Variants in HOOK3 observed in about 807,000 individuals in gnomAD.
HOOK3 encodes hook microtubule tethering protein 3, also known as protein Hook homolog 3.
A neutral mutation model predicts 116.3 loss-of-function variants in HOOK3; 24 were observed. The observed-to-expected ratio is 0.21, with a 90% CI of 0.15 to 0.29. The LOEUF is 0.29. Ranked by LOEUF, HOOK3 falls within the 10% of genes least tolerant of loss-of-function variation. The pLI, the probability that HOOK3 is intolerant of heterozygous loss-of-function variation, is 1.00. For synonymous variants in HOOK3, 275 were observed against 283.0 expected, an observed-to-expected ratio of 0.97 and a Z score of 0.28; for missense variants, 632 against 830.2, an observed-to-expected ratio of 0.76 and a Z score of 2.93.
Position 42,968,163 on chromosome 8 carries a change from G to A in HOOK3, c.1071G>A (p.Glu357=). The change falls in exon 11 of 22, where the codon GAG becomes GAA. Residue 357 remains glutamate, a synonymous_variant. Coordinates refer to ENST00000307602, the MANE Select transcript of HOOK3 (RefSeq NM_032410.4). The stretch of plus-strand genomic sequence containing the variant: ...AGAATACTGTCAGTCTAGAGGAAGA[G>A]TTAAGAAAGGCCAACGCAGCGCGAA... ...YMQNTVSLEE[E]LRKANAARSQ... 3.1e-6 allele frequency: 5 copies of A among 1,614,018 alleles called. No individual in the cohort carries two copies. Among genetic ancestry groups the A allele is most frequent in the Non-Finnish European group, 4.2e-6 (5 of 1,179,942 alleles).
chr8:42,910,957 G>A (rs1807415708), intron 2 of HOOK3, among the ~76,000 whole-genome samples: 1 of 152,204 alleles, frequency 6.6e-6, no homozygotes, highest in South Asian at 2.1e-4. Flanking sequence ...ACAAAGTAAA[G>A]GTAATTTAAA....
At chr8:42,986,606 CACCAAATG>C in intron 14 of HOOK3, 41 bp from the exon 15 acceptor site, 1 of 1,448,924 alleles carries the variant, frequency 6.9e-7, no homozygotes, top group Non-Finnish European at 9.5e-7. Context: ...TATATTAATG[CACCAAATG>C]ACTGTGTATA....
At chr8:42,955,365 A>G (rs1463605898) in intron 6 of HOOK3, among the ~76,000 whole-genome samples, 1 of 152,184 alleles carries the variant, frequency 6.6e-6, no homozygotes, top group Non-Finnish European at 1.5e-5. Flanking sequence ...TTCCCCATCT[A>G]TACCGTGGGA....
chr8:42,967,754 GTTAAAC>G (rs959094105), intron 10 of HOOK3, among the ~76,000 whole-genome samples: 2 of 151,742 alleles, frequency 1.3e-5, no homozygotes, highest in African/African-American at 4.8e-5. Context: ...TTCGGACACT[GTTAAAC>G]TTACTTTTCT....
chr8:42,993,226 G>A (rs1203694265), intron 15 of HOOK3, among the ~76,000 whole-genome samples: 2 of 152,036 alleles, frequency 1.3e-5, no homozygotes, highest in Admixed American at 1.3e-4. Flanking sequence ...TTTTATTGAG[G>A]ATTTTTGCAT....
In HOOK3 at chr8:43,027,381, TAG is replaced by T; in HGVS notation, c.*8889_*8890del. The T allele has an allele frequency of 2.3e-6, 1 of 427,086 alleles. No homozygotes were observed. Among genetic ancestry groups the T allele is most frequent in the Non-Finnish European group, 4.5e-6 (1 of 222,738 alleles). 26.5% of individuals were successfully genotyped at this position (427,086 alleles called of 1,614,324 possible). Reference sequence around the variant, plus strand: ...TATGGACACAATTACTGCCAAAGAATAGAGAGATTTGCTTATGAGAACATTCT... The same window carrying T: ...TATGGACACAATTACTGCCAAAGAATAGAGATTTGCTTATGAGAACATTCT... On this transcript the variant is annotated 3_prime_UTR_variant, in exon 22 of 22. Transcript: ENST00000307602.
At position 43,021,074 on chromosome 8, in the gene HOOK3, C is replaced by G. The variant is rs1448666107; in HGVS notation, c.*2576C>G. On this transcript the variant is annotated 3_prime_UTR_variant, in exon 22 of 22. Transcript: ENST00000307602. ...CCGAGATGGCGCCATTGCACCCCAGCCTGGCGACAAGAGCGAAACTCTGTC... is the reference window on the plus strand; with the variant it reads ...CCGAGATGGCGCCATTGCACCCCAGGCTGGCGACAAGAGCGAAACTCTGTC... 1.2e-5 allele frequency: 2 copies of G among 165,990 alleles called. No individual in the cohort carries two copies. The highest frequency in any genetic ancestry group is 2.5e-5 in the Non-Finnish European group (2 of 80,316). The allele number at this position is 165,990 out of a possible 1,614,324, so 10.3% of individuals were successfully genotyped here.
intron 8 of HOOK3, among the ~76,000 whole-genome samples, chr8:42,961,653 T>C (rs541792819): frequency 4.6e-5 from 7 of 152,336 alleles, no homozygotes; most frequent in African/African-American, 1.7e-4. Context: ...TATTTAGATA[T>C]GTAAAGTGAC....
In HOOK3 at chr8:42,919,150, G is replaced by C. The variant is rs868362655; in HGVS notation, c.144-6407G>C. Among the ~76,000 whole-genome samples, 24 of 152,112 alleles carry C rather than the reference G, an allele frequency of 1.6e-4. 1 individual carries two copies. The highest frequency in any genetic ancestry group is 5.3e-4 in the African/African-American group (22 of 41,508). On this transcript the variant is annotated intron_variant, in intron 2 of 21. Coordinates refer to ENST00000307602, the MANE Select transcript of HOOK3 (RefSeq NM_032410.4). ...GAGACGCTCCTCACTTCCCAGACGG[G>C]GCGGCTGCCGGGCAGAGGGGCTCCT...
intron 16 of HOOK3, among the ~76,000 whole-genome samples, chr8:43,001,770 T>C (rs928498285): frequency 1.3e-5 from 2 of 152,202 alleles, no homozygotes; most frequent in Non-Finnish European, 2.9e-5. Context: ...AAGTCTATTA[T>C]TACTAGGGTC....
chr8:43,010,400 A>G lies in HOOK3; in HGVS notation c.1834A>G (p.Lys612Glu). Residue 612 changes from lysine to glutamate, a missense_variant, in exon 19 of 22, where the codon AAA (lysine) becomes GAA (glutamate). Around this residue, in one of 3 missense-constraint regions of HOOK3, gnomAD observed 483 missense variants for 648.1 expected, o/e 0.75. Transcript: ENST00000307602. ...ATACAAAAAATACTTAGAGAAAGCCAAAAGTGTAAGTATGAATTTTGTAGG... is the reference window on the plus strand; with the variant it reads ...ATACAAAAAATACTTAGAGAAAGCCGAAAGTGTAAGTATGAATTTTGTAGG... ...ERYKKYLEKA[K>E]SVIRTLDPKQ... 7.3e-7 allele frequency: 1 copy of G among 1,369,880 alleles called. No individual in the cohort carries two copies. The highest frequency in any genetic ancestry group is 1.5e-5 in the South Asian group (1 of 68,626). 84.9% of individuals were successfully genotyped at this position (1,369,880 alleles called of 1,614,324 possible).
At chr8:42,912,041 T>C (rs1018127096) in intron 2 of HOOK3, among the ~76,000 whole-genome samples, 1 of 152,004 alleles carries the variant, frequency 6.6e-6, no homozygotes, top group East Asian at 1.9e-4. Flanking sequence ...AAGGAAAAAA[T>C]GTGTACCCTG....
In HOOK3 at chr8:42,974,851, G is replaced by A. The variant is rs142633291; in HGVS notation, c.1321+657G>A. ...GGCTCCCTTCCATTCTGAGAGGACC[G>A]TGCCCCCTTATTTTTGACCTCTAAG... On this transcript the variant is annotated intron_variant, in intron 13 of 21. Transcript: ENST00000307602. Among the ~76,000 whole-genome samples, 139 of 152,284 alleles carry A rather than the reference G, an allele frequency of 9.1e-4. 2 individuals carry two copies. The South Asian group carries it at 0.011, about 12-fold the overall frequency.
At chr8:42,994,754 T>C (rs1809232445) in intron 15 of HOOK3, among the ~76,000 whole-genome samples, 1 of 152,256 alleles carries the variant, frequency 6.6e-6, no homozygotes, top group South Asian at 2.1e-4. Context: ...ACATACTGCA[T>C]ACTTTAACAG....
In HOOK3 at chr8:42,925,557, A is replaced by G; in HGVS notation, c.144A>G (p.Ile48Met). 1.3e-6 allele frequency: 2 copies of G among 1,587,928 alleles called. No homozygotes were observed. Among genetic ancestry groups the G allele is most frequent in the Non-Finnish European group, 1.7e-6 (2 of 1,165,060 alleles). Residue 48 changes from isoleucine to methionine, a missense_variant and splice_region_variant, in exon 3 of 22, where the codon ATA becomes ATG. Coordinates refer to ENST00000307602, the MANE Select transcript of HOOK3 (RefSeq NM_032410.4). ...GVVMAQVLQK[I>M]DPAYFDENWL... The stretch of plus-strand genomic sequence containing the variant: ...ATGTAAGCTTTTTCTTATTTTGCAG[A>G]GATCCTGCATATTTTGATGAAAATT...
Position 43,020,013 on chromosome 8 carries a change from T to C in HOOK3, c.*1515T>C, listed in dbSNP as rs56848249. The stretch of plus-strand genomic sequence containing the variant: ...AAGTAACCTCAAATCAAGCTAAATG[T>C]AATTAAGAATTTTCAGCAACTATAT... On this transcript the variant is annotated 3_prime_UTR_variant, in exon 22 of 22. Transcript: ENST00000307602. The C allele has an allele frequency of 5.0e-6, 1 of 198,026 alleles. No individual in the cohort carries two copies. Among genetic ancestry groups the C allele is most frequent in the African/African-American group, 2.3e-5 (1 of 43,570 alleles). The allele number at this position is 198,026 out of a possible 1,614,324, so 12.3% of individuals were successfully genotyped here.
At chr8:42,942,090 C>T (rs1055575116) in intron 4 of HOOK3, among the ~76,000 whole-genome samples, 1 of 152,082 alleles carries the variant, frequency 6.6e-6, no homozygotes, top group African/African-American at 2.4e-5. Flanking sequence ...GAAATCCCGT[C>T]TCTACTAAAA....
At chr8:42,987,701 A>G (rs1175737468) in intron 15 of HOOK3, among the ~76,000 whole-genome samples, 1 of 152,164 alleles carries the variant, frequency 6.6e-6, no homozygotes, top group African/African-American at 2.4e-5. Flanking sequence ...GGTGCTATTC[A>G]CTCAAAGTCA....
At chr8:43,013,520 C>A in intron 21 of HOOK3, 120 bp downstream of exon 21, 2 of 728,466 alleles carry the variant, frequency 2.7e-6, no homozygotes, top group Non-Finnish European at 4.2e-6. Context: ...GCTATCCTAA[C>A]ATACACTAAC....
Sources: gnomAD v4.1 joint callset for allele counts (sites outside exome capture counted in the v4.1 genomes callset) on GRCh38, gnomAD v4.1.1 for gene constraint, gnomAD v4.1.1 regional missense constraint, MANE v1.5 for transcripts, NCBI Gene and HGNC (gene_info 2026-07-23, HGNC 2026-07-21) for gene names.